NSUN2: variants seen among roughly 807,000 people sequenced by gnomAD.
The protein encoded by NSUN2 is RNA cytosine C(5)-methyltransferase NSUN2.
A neutral mutation model predicts 92.7 loss-of-function variants in NSUN2; 63 were observed. That is an observed-to-expected ratio of 0.68 (90% CI 0.56 to 0.84). NSUN2 has a LOEUF of 0.84. NSUN2 is among the 40% of genes least tolerant of loss of function. The probability of loss-of-function intolerance (pLI) is 0.00; values close to 1 mark genes in which losing one functional copy is unlikely to be tolerated. For synonymous variants in NSUN2, 356 were observed against 348.3 expected (o/e 1.02, Z -0.25); for missense variants, 989 against 964.9 (o/e 1.02, Z -0.33).
chr5:6,607,111 G>C, intron 13 of NSUN2, 89 bp downstream of exon 13: 1 of 1,387,916 alleles, frequency 7.2e-7, no homozygotes, highest in Non-Finnish European at 1.0e-6. Flanking sequence ...CCCTCAAACC[G>C]ACCAAGAAGT....
intron 10 of NSUN2, among the ~76,000 whole-genome samples, chr5:6,611,456 A>AAAAAAAAAAAAAAAAAAAAAAAAAAAC: frequency 6.7e-6 from 1 of 148,234 alleles, no homozygotes; most frequent in Non-Finnish European, 1.5e-5. Context: ...TTTAAAAAAA[A>AAAAAAAAAAAAAAAAAAAAAAAAAAAC]AAAAAAAAAG....
rs1321911391 is a variant in NSUN2 at position 6,632,905 on chromosome 5, A to G, written c.75T>C (p.Gly25=). 1 of 1,525,560 alleles carries G rather than the reference A, an allele frequency of 6.6e-7. No individual in the cohort carries two copies. The highest frequency in any genetic ancestry group is 2.6e-5 in the East Asian group (1 of 39,180). The allele number at this position is 1,525,560 out of a possible 1,614,324, so 94.5% of individuals were successfully genotyped here. A position where few individuals can be genotyped will look rare whatever the true frequency, so the allele number is the denominator to read the frequency against. Residue 25 remains glycine, a synonymous_variant, in exon 1 of 19, where the codon GGT becomes GGC. Coordinates refer to ENST00000264670, the MANE Select transcript of NSUN2 (RefSeq NM_017755.6). The stretch of plus-strand genomic sequence containing the variant: ...CTACCGCCTCGCCGCGCTTTCCACC[A>G]CCCTCGGCGCCATCCTCCGCGTCCT... ...RPEDAEDGAE[G]GGKRGEAGWE... is the part of the protein sequence containing the mutation.
intron 4 of NSUN2, among the ~76,000 whole-genome samples, chr5:6,623,600 G>C (rs1452709720): frequency 6.6e-6 from 1 of 152,186 alleles, no homozygotes; most frequent in African/African-American, 2.4e-5. Flanking sequence ...AGCTCTCAAA[G>C]ACAGAAATGC....
chr5:6,632,274 G>A (rs1339753408), intron 2 of NSUN2, among the ~76,000 whole-genome samples: 2 of 152,104 alleles, frequency 1.3e-5, no homozygotes, highest in African/African-American at 2.4e-5. Context: ...GCGCGGAGGA[G>A]GGGAGAACCA....
At position 6,619,979 on chromosome 5, in the gene NSUN2, C is replaced by T. The variant is rs2288445; in HGVS notation, c.815+127G>A. 251,265 of 715,440 alleles carry T rather than the reference C, an allele frequency of 0.35. 46,037 individuals carry two copies. The highest frequency in any genetic ancestry group is 0.38 in the Middle Eastern group (1,378 of 3,632). 44.3% of individuals were successfully genotyped at this position (715,440 alleles called of 1,614,324 possible). ...GTGTCCATCTTTTGGTTTAGGCTCA[C>T]GCTATCTTTCTCCGCACCCCAAGAC... On this transcript the variant is annotated intron_variant, in intron 7 of 18. Transcript: ENST00000264670.
intron 18 of NSUN2, 116 bp from the exon 19 acceptor site, chr5:6,600,348 C>A: frequency 1.1e-6 from 1 of 908,192 alleles, no homozygotes; most frequent in Non-Finnish European, 1.6e-6. Context: ...ACCCACAAAA[C>A]CCCCAAAACT....
At chr5:6,620,722 G>A (rs1045766363) in intron 6 of NSUN2, 1 of 153,340 alleles carries the variant, frequency 6.5e-6, no homozygotes, top group Admixed American at 6.5e-5. Context: ...GGGGCCCCAA[G>A]CACCTGAACA....
At chr5:6,616,171 G>A (rs1022303293) in intron 9 of NSUN2, among the ~76,000 whole-genome samples, 3 of 152,158 alleles carry the variant, frequency 2.0e-5, no homozygotes, top group South Asian at 2.1e-4. Flanking sequence ...CCAAAGAATC[G>A]TAACCAGGAT....
chr5:6,604,227 G>A lies in NSUN2; in HGVS notation c.1868C>T (p.Ser623Leu). 6.2e-7 allele frequency: 1 copy of A among 1,606,284 alleles called. No individual in the cohort carries two copies. The highest frequency in any genetic ancestry group is 8.5e-7 in the Non-Finnish European group (1 of 1,173,118). ...CAACAGTATCTTAACATCTTCCATT[G>A]ATACAGTAATAATTCTTGAGTTAAT... ...PFINSRIITV[S>L]MEDVKILLTQ... is the part of the protein sequence containing the mutation. Residue 623 changes from serine (S) to leucine (L), a missense_variant, in exon 17 of 19, where the codon TCA becomes TTA. Around this residue, in one of 3 missense-constraint regions of NSUN2, gnomAD observed 626 missense variants for 602.3 expected, o/e 1.04. Transcript: ENST00000264670.
chr5:6,625,860 G>A (rs1353461339), intron 3 of NSUN2, among the ~76,000 whole-genome samples, 191 bp from the exon 4 acceptor site: 1 of 152,140 alleles, frequency 6.6e-6, no homozygotes, highest in Non-Finnish European at 1.5e-5. Flanking sequence ...CATGGCTCTA[G>A]CTACACCGTG....
At chr5:6,605,459 G>A (rs1255339710) in intron 14 of NSUN2, 51 bp from the exon 15 acceptor site, 2 of 1,587,680 alleles carry the variant, frequency 1.3e-6, no homozygotes, top group South Asian at 1.1e-5. Flanking sequence ...AAATCTGGTA[G>A]ACTGTTTCTA....
At chr5:6,619,098 T>C (rs1251323720) in intron 7 of NSUN2, among the ~76,000 whole-genome samples, 1 of 152,194 alleles carries the variant, frequency 6.6e-6, no homozygotes, top group Non-Finnish European at 1.5e-5. Flanking sequence ...GAACGAGTTA[T>C]CTTTCTGATC....
chr5:6,631,915 T>G lies in NSUN2; in HGVS notation c.317A>C (p.Glu106Ala). The change falls in exon 3 of 19, where the codon GAG becomes GCG. Residue 106 changes from glutamate to alanine, a missense_variant. Coordinates refer to ENST00000264670, the MANE Select transcript of NSUN2 (RefSeq NM_017755.6). Reference sequence around the variant, plus strand: ...AACTTCAACTTTCTGACCGTCCACCTCCAGGTCCTCCAATTCCTTAAAATA... The same window carrying G: ...AACTTCAACTTTCTGACCGTCCACCGCCAGGTCCTCCAATTCCTTAAAATA... ...NKYFKELEDL[E>A]VDGQKVEVPQ... 1 of 1,614,144 alleles carries G rather than the reference T, an allele frequency of 6.2e-7. No homozygotes were observed. Among genetic ancestry groups the G allele is most frequent in the Non-Finnish European group, 8.5e-7 (1 of 1,179,978 alleles).
chr5:6,625,945 C>T (rs1737637307), intron 3 of NSUN2, among the ~76,000 whole-genome samples: 1 of 151,940 alleles, frequency 6.6e-6, no homozygotes, highest in African/African-American at 2.4e-5. Context: ...TGATGAAACG[C>T]TCGAGATCAG....
intron 13 of NSUN2, 76 bp from the exon 14 acceptor site, chr5:6,606,988 T>C: frequency 1.9e-6 from 2 of 1,032,506 alleles, no homozygotes; most frequent in South Asian, 2.8e-5. Flanking sequence ...ACATTCTTCC[T>C]TTCTGTCAGT....
chr5:6,615,378 A>G (rs1206089574), intron 9 of NSUN2, among the ~76,000 whole-genome samples: 1 of 152,222 alleles, frequency 6.6e-6, no homozygotes, highest in Non-Finnish European at 1.5e-5. Flanking sequence ...TCTGAGCAGG[A>G]TTCAACAGTC....
At chr5:6,621,913 G>A in intron 6 of NSUN2, 103 bp downstream of exon 6, 1 of 935,238 alleles carries the variant, frequency 1.1e-6, no homozygotes, top group Non-Finnish European at 1.7e-6. Context: ...CTTGTCATAG[G>A]AGACTTTAGA....
intron 16 of NSUN2, 140 bp downstream of exon 16, chr5:6,604,465 A>T (rs1481237353): frequency 1.5e-5 from 14 of 936,688 alleles, no homozygotes; most frequent in Non-Finnish European, 2.3e-5. Flanking sequence ...GAGCTCTATA[A>T]CCTGTGAGGG....
chr5:6,604,012 T>C (rs1192103042), intron 17 of NSUN2, 126 bp downstream of exon 17: 4 of 843,600 alleles, frequency 4.7e-6, no homozygotes, highest in South Asian at 3.4e-5. Flanking sequence ...CCTCTGGAAA[T>C]TGATGTAGCC....
Sources: allele counts gnomAD v4.1 joint callset (sites outside exome capture counted in the v4.1 genomes callset), GRCh38; gene constraint gnomAD v4.1.1; regional missense constraint gnomAD v4.1.1; transcripts MANE v1.5; gene names NCBI Gene and HGNC (gene_info 2026-07-23, HGNC 2026-07-21).